FAM227B: variants seen among roughly 807,000 people sequenced by gnomAD.
The protein encoded by FAM227B is family with sequence similarity 227 member B.
Under a neutral mutation model 73.8 loss-of-function variants are expected in FAM227B, and 88 were observed. The observed-to-expected ratio is 1.19, with a 90% CI of 1.00 to 1.42. The LOEUF is 1.42. Ranked by LOEUF, FAM227B falls within the 40% of genes most tolerant of loss-of-function variation. The probability of loss-of-function intolerance (pLI) is 0.00; values close to 1 mark genes in which losing one functional copy is unlikely to be tolerated. For synonymous variants in FAM227B, 210 were observed against 190.5 expected (o/e 1.10, Z -0.84); for missense variants, 632 against 590.9 (o/e 1.07, Z -0.72).
At chr15:49,619,220 G>C (rs1282421282) in intron 1 of FAM227B, among the ~76,000 whole-genome samples, 1 of 152,154 alleles carries the variant, frequency 6.6e-6, no homozygotes, top group Non-Finnish European at 1.5e-5. Flanking sequence ...TGTTACAGAA[G>C]TAAATTCACT....
intron 13 of FAM227B, among the ~76,000 whole-genome samples, chr15:49,363,943 C>G (rs1364074714): frequency 6.6e-6 from 1 of 152,056 alleles, no homozygotes; most frequent in Non-Finnish European, 1.5e-5. Flanking sequence ...GTTGCATGAA[C>G]CTTGTGTCCA....
At chr15:49,416,793 ACAC>A (rs1250313094) in intron 11 of FAM227B, among the ~76,000 whole-genome samples, 1 of 151,514 alleles carries the variant, frequency 6.6e-6, no homozygotes, top group Non-Finnish European at 1.5e-5. Flanking sequence ...ACACACACAC[ACAC>A]ACAAACACAC....
intron 11 of FAM227B, among the ~76,000 whole-genome samples, chr15:49,422,048 T>C (rs1457627072): frequency 6.6e-6 from 1 of 151,914 alleles, no homozygotes; most frequent in African/African-American, 2.4e-5. Context: ...TATAATCCAG[T>C]TGAGTAGATT....
chr15:49,451,466 TAAA>T (rs1169848997), intron 11 of FAM227B, among the ~76,000 whole-genome samples: 1 of 152,082 alleles, frequency 6.6e-6, no homozygotes, highest in Non-Finnish European at 1.5e-5. Flanking sequence ...TATGTTTGCT[TAAA>T]TCTATATGTA....
At chr15:49,589,015 G>T (rs2076364927) in intron 4 of FAM227B, among the ~76,000 whole-genome samples, 1 of 151,630 alleles carries the variant, frequency 6.6e-6, no homozygotes, top group African/African-American at 2.4e-5. Flanking sequence ...TGACAAATTT[G>T]CCCATTAAAT....
intron 3 of FAM227B, among the ~76,000 whole-genome samples, chr15:49,599,544 GTTT>G (rs1466074246): frequency 6.6e-6 from 1 of 151,960 alleles, no homozygotes; most frequent in East Asian, 1.9e-4. Context: ...TTATCTGAGA[GTTT>G]TTCTTAATGT....
chr15:49,426,113 C>T (rs2050110577), intron 11 of FAM227B, among the ~76,000 whole-genome samples: 1 of 151,496 alleles, frequency 6.6e-6, no homozygotes, highest in African/African-American at 2.4e-5. Flanking sequence ...AAAATTATGA[C>T]ACATGGGGCA....
chr15:49,557,619 G>C (rs537473855), intron 9 of FAM227B, among the ~76,000 whole-genome samples: 1 of 152,310 alleles, frequency 6.6e-6, no homozygotes, highest in Admixed American at 6.5e-5. Context: ...GAGAACAAGA[G>C]GAGCGAAGCC....
At chr15:49,510,960 G>T (rs1301203946) in intron 10 of FAM227B, among the ~76,000 whole-genome samples, 1 of 144,188 alleles carries the variant, frequency 6.9e-6, no homozygotes, top group African/African-American at 2.5e-5. Context: ...TTCTCTGGAA[G>T]TTTTTTTTTT....
intron 9 of FAM227B, among the ~76,000 whole-genome samples, chr15:49,561,613 G>C (rs760912854): frequency 5.3e-5 from 8 of 152,096 alleles, no homozygotes; most frequent in Non-Finnish European, 1.0e-4. Context: ...CACATGCTCA[G>C]CCATGAAGCA....
At chr15:49,456,429 A>G (rs2053295926) in intron 11 of FAM227B, among the ~76,000 whole-genome samples, 1 of 152,178 alleles carries the variant, frequency 6.6e-6, no homozygotes, top group South Asian at 2.1e-4. Flanking sequence ...GGTTAATGTA[A>G]AATGTAATGC....
At chr15:49,334,878 T>C (rs113308170) in intron 14 of FAM227B, among the ~76,000 whole-genome samples, 3,863 of 152,308 alleles carry the variant, frequency 0.025, 91 homozygotes, top group African/African-American at 0.051. Flanking sequence ...TAAAAATTGA[T>C]GGATATTCTC....
intron 11 of FAM227B, among the ~76,000 whole-genome samples, chr15:49,465,937 C>T (rs965034940): frequency 6.6e-6 from 1 of 152,160 alleles, no homozygotes; most frequent in African/African-American, 2.4e-5. Flanking sequence ...ATACAAATCC[C>T]TGTACCAAGT....
At position 49,493,189 on chromosome 15, in the gene FAM227B, C is replaced by T. The variant is rs906614681; in HGVS notation, c.1012+15022G>A. Among the ~76,000 whole-genome samples the T allele has an allele frequency of 3.9e-5, 6 of 152,062 alleles. No individual in the cohort carries two copies. In the East Asian group the frequency reaches 5.8e-4, roughly 15 times the overall value. ...TATTTGTTTTTCTGTTCCAAGTCCT[C>T]GTCTCAATTCCTGTTTAGTTACCTA... On this transcript the variant is annotated intron_variant, in intron 11 of 15. Transcript: ENST00000299338.
intron 10 of FAM227B, among the ~76,000 whole-genome samples, chr15:49,530,499 T>G (rs759577873): frequency 6.6e-6 from 1 of 151,874 alleles, no homozygotes; most frequent in Non-Finnish European, 1.5e-5. Flanking sequence ...AAAATAGTTA[T>G]GGCAAATGAC....
chr15:49,591,165 C>T (rs1050414868), intron 3 of FAM227B, among the ~76,000 whole-genome samples: 13 of 151,208 alleles, frequency 8.6e-5, no homozygotes, highest in Non-Finnish European at 1.9e-4. Flanking sequence ...CTGCCTCAGC[C>T]TCCTGAGTAG....
intron 11 of FAM227B, among the ~76,000 whole-genome samples, chr15:49,395,076 T>C (rs2047480467): frequency 6.6e-6 from 1 of 152,234 alleles, no homozygotes; most frequent in Non-Finnish European, 1.5e-5. Flanking sequence ...ACATTTTTGC[T>C]TTATATATTT....
chr15:49,548,401 G>T (rs754282383), intron 9 of FAM227B, among the ~76,000 whole-genome samples: 2 of 152,178 alleles, frequency 1.3e-5, no homozygotes, highest in African/African-American at 4.8e-5. Flanking sequence ...TCTTTCTCAC[G>T]TATTGTTGAA....
intron 10 of FAM227B, among the ~76,000 whole-genome samples, chr15:49,520,393 T>A (rs2059696542): frequency 6.6e-6 from 1 of 152,208 alleles, no homozygotes; most frequent in Non-Finnish European, 1.5e-5. Context: ...TCTCTGCCTG[T>A]TATCCTGTTC....
Sources: allele counts gnomAD v4.1 joint callset (sites outside exome capture counted in the v4.1 genomes callset), GRCh38; gene constraint gnomAD v4.1.1; transcripts MANE v1.5; gene names NCBI Gene and HGNC (gene_info 2026-07-23, HGNC 2026-07-21).